HYDIN: variants seen among roughly 807,000 people sequenced by gnomAD.
The protein encoded by HYDIN is HYDIN axonemal central pair apparatus protein.
In HYDIN, 132 loss-of-function variants were observed where a neutral mutation model predicts 403.9. The observed-to-expected ratio is 0.33, with a 90% CI of 0.28 to 0.38. HYDIN has a LOEUF of 0.38. Ranked by LOEUF, HYDIN falls within the 10% of genes least tolerant of loss-of-function variation. The pLI is 1.00. For synonymous variants in HYDIN, 1,202 were observed against 1,891.7 expected (o/e 0.64, Z 9.46); for missense variants, 2,827 against 5,009.5 (o/e 0.56, Z 13.15).
chr16:71,194,938 C>T (rs1262973053), intron 1 of HYDIN, among the ~76,000 whole-genome samples: 1 of 152,198 alleles, frequency 6.6e-6, no homozygotes, highest in East Asian at 1.9e-4. Context: ...CTGGCTACCT[C>T]CAGGGTAAGC....
chr16:70,978,077 A>G (rs2078938363), intron 30 of HYDIN, among the ~76,000 whole-genome samples: 1 of 152,080 alleles, frequency 6.6e-6, no homozygotes, highest in South Asian at 2.1e-4. Context: ...GATGATGCAC[A>G]GAAATCTCAC....
At chr16:71,024,896 C>T (rs1026190156) in intron 21 of HYDIN, among the ~76,000 whole-genome samples, 3 of 152,174 alleles carry the variant, frequency 2.0e-5, no homozygotes, top group Non-Finnish European at 4.4e-5. Context: ...TCACATCACA[C>T]GTCATTTCCT....
chr16:71,029,994 G>A (rs1252536383), intron 19 of HYDIN, among the ~76,000 whole-genome samples: 1 of 152,116 alleles, frequency 6.6e-6, no homozygotes, highest in African/African-American at 2.4e-5. Flanking sequence ...ACTCTCCTGA[G>A]GAATCAAGAA....
At chr16:70,991,159 C>G in intron 25 of HYDIN, 159 bp downstream of exon 25, 2 of 1,000,388 alleles carry the variant, frequency 2.0e-6, no homozygotes, top group Non-Finnish European at 2.9e-6. Context: ...TGAGTGTTGG[C>G]TCTGGGGTGT....
At chr16:71,221,355 A>T (rs1567470567) in intron 1 of HYDIN, among the ~76,000 whole-genome samples, 1 of 152,214 alleles carries the variant, frequency 6.6e-6, no homozygotes, top group Non-Finnish European at 1.5e-5. Context: ...AAAGCCTCAA[A>T]GTATGATTTT....
Position 71,061,861 on chromosome 16 carries a change from A to AGTGTGTGTGT in HYDIN, c.2376+298_2376+307dup, listed in dbSNP as rs66689823. On this transcript the variant is annotated intron_variant, in intron 17 of 85. Coordinates refer to ENST00000393567, the MANE Select transcript of HYDIN (RefSeq NM_001270974.2). ...TGGAGAGGGGTCAGGCATGTGTGAC[A>AGTGTGTGTGT]GTGTGTGTGTGTGTGTGTGTGTGTG... is the stretch of plus-strand genomic sequence containing the variant. Among the ~76,000 whole-genome samples the AGTGTGTGTGT allele has an allele frequency of 2.5e-3, 363 of 144,116 alleles. 1 individual carries two copies. Among genetic ancestry groups the AGTGTGTGTGT allele is most frequent in the South Asian group, 1.0e-2 (44 of 4,402 alleles). The allele number at this position is 144,116 out of a possible 152,430, so 94.5% of individuals were successfully genotyped here. A position where few individuals can be genotyped will look rare whatever the true frequency, so the allele number is the denominator to read the frequency against.
intron 47 of HYDIN, among the ~76,000 whole-genome samples, chr16:70,911,648 A>C (rs2076699571): frequency 6.6e-6 from 1 of 151,994 alleles, no homozygotes; most frequent in African/African-American, 2.4e-5. Flanking sequence ...TCTGTGAAGA[A>C]TGATGGTGGT....
intron 3 of HYDIN, among the ~76,000 whole-genome samples, chr16:71,184,614 C>T (rs775976919): frequency 2.6e-5 from 4 of 152,034 alleles, no homozygotes; most frequent in Non-Finnish European, 4.4e-5. Flanking sequence ...TAAACTATAG[C>T]GTCAAATAGT....
At chr16:70,887,811 G>A (rs1418429416) in intron 58 of HYDIN, among the ~76,000 whole-genome samples, 1 of 151,022 alleles carries the variant, frequency 6.6e-6, no homozygotes, top group Non-Finnish European at 1.5e-5. Flanking sequence ...AGCCTCTCGA[G>A]TAGCTGGGAC....
At chr16:70,837,515 G>C (rs1052383947) in intron 77 of HYDIN, among the ~76,000 whole-genome samples, 175 bp downstream of exon 77, 2 of 151,966 alleles carry the variant, frequency 1.3e-5, no homozygotes, top group African/African-American at 4.8e-5. Context: ...CTGGTGATTT[G>C]CCCCTTTCTG....
chr16:71,230,474 C>T (rs1458596564), intron 1 of HYDIN, 88 bp downstream of exon 1: 9 of 1,417,866 alleles, frequency 6.3e-6, no homozygotes, highest in Non-Finnish European at 8.4e-6. Context: ...GGACGCAGGG[C>T]GAGGACGAGG....
intron 5 of HYDIN, among the ~76,000 whole-genome samples, chr16:71,175,031 C>G (rs2086611463): frequency 6.6e-6 from 1 of 152,010 alleles, no homozygotes; most frequent in Non-Finnish European, 1.5e-5. Flanking sequence ...CTACCACCGC[C>G]TATACCACCA....
chr16:70,890,347 T>C (rs1439474148), intron 57 of HYDIN, among the ~76,000 whole-genome samples: 1 of 152,200 alleles, frequency 6.6e-6, no homozygotes, highest in Non-Finnish European at 1.5e-5. Context: ...TGTATGAACT[T>C]GTGCATGCTA....
chr16:70,943,991 G>C (rs1387301837), intron 41 of HYDIN, 42 bp from the exon 42 acceptor site: 1 of 1,465,260 alleles, frequency 6.8e-7, no homozygotes, highest in South Asian at 1.2e-5. Flanking sequence ...ATCTGGCCTT[G>C]TATCTCAACA....
chr16:71,188,933 C>G (rs930908898), intron 1 of HYDIN, among the ~76,000 whole-genome samples: 1 of 152,006 alleles, frequency 6.6e-6, no homozygotes, highest in Non-Finnish European at 1.5e-5. Flanking sequence ...GATCATAATA[C>G]AACAAAGCTA....
At chr16:70,833,456 C>A (rs2037155285) in intron 79 of HYDIN, among the ~76,000 whole-genome samples, 1 of 109,560 alleles carries the variant, frequency 9.1e-6, no homozygotes. Flanking sequence ...CTGTTCCCTG[C>A]ACTGCTTCCT....
At chr16:70,876,183 A>T (rs1376726388) in intron 62 of HYDIN, among the ~76,000 whole-genome samples, 151 of 141,866 alleles carry the variant, frequency 1.1e-3, no homozygotes, top group South Asian at 1.6e-3. Flanking sequence ...TTGTCTGCAC[A>T]TTTTTTTTTT....
chr16:71,161,919 T>C (rs1396427050), intron 6 of HYDIN, among the ~76,000 whole-genome samples: 1 of 149,018 alleles, frequency 6.7e-6, no homozygotes. Context: ...CAGTTTCTGT[T>C]GATTATCCCA....
intron 75 of HYDIN, among the ~76,000 whole-genome samples, chr16:70,845,998 G>A (rs902997639): frequency 2.0e-5 from 3 of 150,900 alleles, no homozygotes; most frequent in Admixed American, 6.6e-5. Context: ...ACCAGCTCCT[G>A]GATTCATTAA....
Sources: allele counts gnomAD v4.1 joint callset (sites outside exome capture counted in the v4.1 genomes callset), GRCh38; gene constraint gnomAD v4.1.1; transcripts MANE v1.5; gene names NCBI Gene and HGNC (gene_info 2026-07-23, HGNC 2026-07-21).